The following RALGAPA2 variants were observed in gnomAD, a reference collection of about 807,000 sequenced individuals.
The protein encoded by RALGAPA2 is ral GTPase-activating protein subunit alpha-2.
RALGAPA2 carries 139 observed loss-of-function variants against 230.4 expected under a neutral mutation model. The ratio of observed to expected loss-of-function variants is 0.60; its 90% CI spans 0.53 to 0.69. The LOEUF is 0.69. RALGAPA2 is among the 30% of genes least tolerant of loss of function. The pLI is 0.00. For synonymous variants in RALGAPA2, 847 were observed against 837.8 expected (o/e 1.01, Z -0.19); for missense variants, 2,163 against 2,276.0 (o/e 0.95, Z 1.01).
At chr20:20,698,395 G>A (rs532995478) in intron 1 of RALGAPA2, among the ~76,000 whole-genome samples, 2 of 150,832 alleles carry the variant, frequency 1.3e-5, no homozygotes, top group East Asian at 3.9e-4. Context: ...TGGTTTCTTT[G>A]TTTTGTTTTG....
chr20:20,580,200 C>G (rs1285552134), intron 20 of RALGAPA2, among the ~76,000 whole-genome samples: 1 of 152,142 alleles, frequency 6.6e-6, no homozygotes, highest in Non-Finnish European at 1.5e-5. Flanking sequence ...TTCAACAGAA[C>G]TAAATGTATG....
At chr20:20,603,905 G>A (rs1312065456) in intron 15 of RALGAPA2, among the ~76,000 whole-genome samples, 1 of 152,186 alleles carries the variant, frequency 6.6e-6, no homozygotes, top group African/African-American at 2.4e-5. Context: ...AATAAGCAGT[G>A]TGTACCCTTT....
At position 20,531,855 on chromosome 20, in the gene RALGAPA2, A is replaced by G. The variant is rs769199035; in HGVS notation, c.3474-60T>C. ...ATGAAACTTAATATACTTTCTCAGT[A>G]TTTTCAAATAACAAAACACTTTAAA... On this transcript the variant is annotated intron_variant, in intron 26 of 39. Coordinates refer to ENST00000202677, the MANE Select transcript of RALGAPA2 (RefSeq NM_020343.4). The G allele has an allele frequency of 1.8e-4, 223 of 1,252,286 alleles. 1 individual carries two copies. Among genetic ancestry groups the G allele is most frequent in the Non-Finnish European group, 2.3e-4 (204 of 887,386 alleles). 77.6% of individuals were successfully genotyped at this position (1,252,286 alleles called of 1,614,324 possible). A position where few individuals can be genotyped will look rare whatever the true frequency, so the allele number is the denominator to read the frequency against.
intron 16 of RALGAPA2, among the ~76,000 whole-genome samples, chr20:20,601,087 G>A (rs372322541): frequency 6.3e-4 from 96 of 151,964 alleles, no homozygotes; most frequent in African/African-American, 2.2e-3. Flanking sequence ...GCGTCAGAGC[G>A]AGACTCTGTC....
chr20:20,531,206 ACTC>A (rs2063357969), intron 27 of RALGAPA2, among the ~76,000 whole-genome samples: 1 of 152,164 alleles, frequency 6.6e-6, no homozygotes, highest in Non-Finnish European at 1.5e-5. Context: ...GTTCGCCATT[ACTC>A]TGACCTAGTG....
intron 10 of RALGAPA2, among the ~76,000 whole-genome samples, chr20:20,625,780 G>A (rs6082071): frequency 0.053 from 8,078 of 152,104 alleles, 292 homozygotes; most frequent in East Asian, 0.16. Flanking sequence ...ATGAGAAGAC[G>A]AGTTTACAGT....
At chr20:20,534,288 C>CA (rs984070339) in intron 26 of RALGAPA2, among the ~76,000 whole-genome samples, 3 of 151,656 alleles carry the variant, frequency 2.0e-5, no homozygotes, top group African/African-American at 7.3e-5. Context: ...ACTAAAAATA[C>CA]AAAAAAATTA....
At chr20:20,530,897 G>C (rs1412145387) in intron 27 of RALGAPA2, among the ~76,000 whole-genome samples, 1 of 152,148 alleles carries the variant, frequency 6.6e-6, no homozygotes, top group Admixed American at 6.5e-5. Flanking sequence ...GGCACTCACT[G>C]GTTCCCTAAG....
At chr20:20,464,144 A>T (rs912509353) in intron 37 of RALGAPA2, among the ~76,000 whole-genome samples, 3 of 152,216 alleles carry the variant, frequency 2.0e-5, no homozygotes, top group African/African-American at 4.8e-5. Context: ...TGCTTCCTCC[A>T]GACTCTTTTC....
At chr20:20,644,308 A>G (rs1329490761) in intron 4 of RALGAPA2, among the ~76,000 whole-genome samples, 2 of 152,206 alleles carry the variant, frequency 1.3e-5, no homozygotes, top group Admixed American at 6.5e-5. Context: ...AGATCCTTTA[A>G]GAAAAAAATT....
chr20:20,514,111 T>C (rs899358237), intron 31 of RALGAPA2, among the ~76,000 whole-genome samples: 1 of 152,108 alleles, frequency 6.6e-6, no homozygotes, highest in African/African-American at 2.4e-5. Flanking sequence ...CCAACCTTCC[T>C]GTGCACACAT....
At chr20:20,615,488 A>G (rs2066112556) in intron 13 of RALGAPA2, among the ~76,000 whole-genome samples, 1 of 152,122 alleles carries the variant, frequency 6.6e-6, no homozygotes, top group Non-Finnish European at 1.5e-5. Flanking sequence ...GAGCAGGAAA[A>G]AAAAATCTAA....
intron 13 of RALGAPA2, among the ~76,000 whole-genome samples, chr20:20,612,434 A>G (rs970746043): frequency 6.6e-6 from 1 of 152,176 alleles, no homozygotes; most frequent in Non-Finnish European, 1.5e-5. Context: ...GAGATCTCTA[A>G]ATCATAGTTC....
At chr20:20,679,809 C>T (rs750240858) in intron 2 of RALGAPA2, among the ~76,000 whole-genome samples, 3 of 152,182 alleles carry the variant, frequency 2.0e-5, no homozygotes, top group Non-Finnish European at 2.9e-5. Flanking sequence ...TCCCAAGAAC[C>T]ACAGAATTCT....
At chr20:20,498,527 G>A (rs745721975) in intron 35 of RALGAPA2, among the ~76,000 whole-genome samples, 4 of 152,066 alleles carry the variant, frequency 2.6e-5, no homozygotes, top group South Asian at 2.1e-4. Flanking sequence ...GCATTACATC[G>A]CCAGCTGGCT....
intron 15 of RALGAPA2, 71 bp downstream of exon 15, chr20:20,605,103 TG>T (rs1425155229): frequency 3.0e-6 from 4 of 1,320,774 alleles, no homozygotes; most frequent in Non-Finnish European, 4.3e-6. Flanking sequence ...GCGCATTAAT[TG>T]CTTAGTCATA....
At chr20:20,662,590 TACAG>T (rs2067819299) in intron 3 of RALGAPA2, among the ~76,000 whole-genome samples, 1 of 152,230 alleles carries the variant, frequency 6.6e-6, no homozygotes, top group Non-Finnish European at 1.5e-5. Flanking sequence ...ATCACTAAGC[TACAG>T]ACAGTTGAAC....
At chr20:20,575,160 T>C (rs1323528197) in intron 20 of RALGAPA2, among the ~76,000 whole-genome samples, 1 of 152,034 alleles carries the variant, frequency 6.6e-6, no homozygotes, top group African/African-American at 2.4e-5. Context: ...TCTATACTCA[T>C]GCCCCTCTTA....
chr20:20,560,391 T>C (rs1404538068), intron 23 of RALGAPA2, among the ~76,000 whole-genome samples: 18 of 152,242 alleles, frequency 1.2e-4, no homozygotes, highest in Non-Finnish European at 2.6e-4. Flanking sequence ...AAAACTGTTG[T>C]TTATTGCTTC....
Sources: allele counts gnomAD v4.1 joint callset (sites outside exome capture counted in the v4.1 genomes callset), GRCh38; gene constraint gnomAD v4.1.1; transcripts MANE v1.5; gene names NCBI Gene and HGNC (gene_info 2026-07-23, HGNC 2026-07-21).